SLC2A9: variants seen among roughly 807,000 people sequenced by gnomAD.
SLC2A9 encodes solute carrier family 2 member 9.
A neutral mutation model predicts 50.6 loss-of-function variants in SLC2A9; 39 were observed. That is an observed-to-expected ratio of 0.77 (90% confidence interval 0.60 to 1.01). The LOEUF (loss-of-function observed/expected upper bound fraction) is 1.01. Among genes scored for constraint, SLC2A9 ranks in the 50% least tolerant of loss-of-function variants. The pLI is 0.00. For synonymous variants in SLC2A9, 324 were observed against 276.9 expected (o/e 1.17, Z -1.69); for missense variants, 686 against 677.6 (o/e 1.01, Z -0.14).
At chr4:9,948,724 T>C (rs536689759) in intron 5 of SLC2A9, among the ~76,000 whole-genome samples, 54 of 152,344 alleles carry the variant, frequency 3.5e-4, no homozygotes, top group African/African-American at 1.3e-3. Context: ...GAGACCTCTG[T>C]TGTGCTGAGG....
At chr4:9,832,432 C>T (rs868114438) in intron 11 of SLC2A9, among the ~76,000 whole-genome samples, 2 of 152,174 alleles carry the variant, frequency 1.3e-5, no homozygotes, top group Non-Finnish European at 1.5e-5. Context: ...AAATACTAAA[C>T]GTATCTACCT....
chr4:10,015,439 A>G (rs1560492835), intron 2 of SLC2A9, among the ~76,000 whole-genome samples: 1 of 152,196 alleles, frequency 6.6e-6, no homozygotes, highest in Non-Finnish European at 1.5e-5. Context: ...TTCTTTGTTC[A>G]TGAAATGAAG....
chr4:9,874,346 C>A (rs1418190395), intron 10 of SLC2A9, among the ~76,000 whole-genome samples: 1 of 152,182 alleles, frequency 6.6e-6, no homozygotes, highest in East Asian at 1.9e-4. Context: ...CCAGCCTTGC[C>A]AGGGGAGTTC....
At chr4:10,017,156 C>G (rs1460914018) in intron 2 of SLC2A9, among the ~76,000 whole-genome samples, 1 of 152,218 alleles carries the variant, frequency 6.6e-6, no homozygotes, top group East Asian at 1.9e-4. Flanking sequence ...TATAAACTCT[C>G]AACAATGCTT....
chr4:9,795,497 C>T (rs1255514792), downstream of SLC2A9, among the ~76,000 whole-genome samples: 1 of 152,158 alleles, frequency 6.6e-6, no homozygotes, highest in African/African-American at 2.4e-5. Context: ...TCCCCACATT[C>T]CCTCTATTTT....
chr4:9,919,931 C>T (rs1288735666), intron 7 of SLC2A9, among the ~76,000 whole-genome samples: 2 of 152,110 alleles, frequency 1.3e-5, no homozygotes, highest in African/African-American at 2.4e-5. Context: ...TCCCTGCCTG[C>T]AGCAGCTCAA....
At chr4:9,888,124 G>T (rs540151870) in intron 9 of SLC2A9, among the ~76,000 whole-genome samples, 1 of 151,276 alleles carries the variant, frequency 6.6e-6, no homozygotes, top group East Asian at 1.9e-4. Flanking sequence ...TTTGGGGGGT[G>T]GGGGGCTGGA....
rs1444569286 is a variant in SLC2A9, at chr4:10,019,029, G to A, written c.195C>T (p.Phe65=). 6.4e-7 allele frequency: 1 copy of A among 1,550,924 alleles called. No homozygotes were observed. The highest frequency in any genetic ancestry group is 8.7e-7 in the Non-Finnish European group (1 of 1,146,960). Residue 65 remains phenylalanine, a synonymous_variant, in exon 2 of 12, where the codon TTC becomes TTT. Coordinates refer to ENST00000264784, the MANE Select transcript of SLC2A9 (RefSeq NM_020041.3). ...SLLVASLAGA[F]GSSFLYGYNL... is the part of the protein sequence containing the mutation. ...TGTAGCCGTAGAGGAAGGAGGAGCC[G>A]AAGGCGCCCGCGAGGGAGGCCACGA...
chr4:10,039,067 G>A (rs891574427), intron 1 of SLC2A9, among the ~76,000 whole-genome samples: 1 of 152,236 alleles, frequency 6.6e-6, no homozygotes, highest in African/African-American at 2.4e-5. Context: ...GCAAGGAGCT[G>A]GCCCAGTTGG....
In SLC2A9 at chr4:9,908,219, C is replaced by A; in HGVS notation, c.1113+16G>T. The stretch of plus-strand genomic sequence containing the variant: ...CCCCCTGTGGCATTCTCAGGAGTAA[C>A]CCTCAGTTGACTTACAGAGAAGACG... On this transcript the variant is annotated intron_variant, in intron 8 of 11. Transcript: ENST00000264784. 1.3e-6 allele frequency: 2 copies of A among 1,563,680 alleles called. No individual in the cohort carries two copies. The highest frequency in any genetic ancestry group is 2.2e-5 in the East Asian group (1 of 44,664).
chr4:9,908,617 T>C (rs571858131), intron 7 of SLC2A9, among the ~76,000 whole-genome samples: 1 of 152,174 alleles, frequency 6.6e-6, no homozygotes, highest in South Asian at 2.1e-4. Flanking sequence ...GTTAGTTACA[T>C]ATGTATACAT....
chr4:9,939,654 T>C (rs1461326556), intron 6 of SLC2A9, among the ~76,000 whole-genome samples: 1 of 152,110 alleles, frequency 6.6e-6, no homozygotes, highest in Non-Finnish European at 1.5e-5. Flanking sequence ...ATGGTTGTTG[T>C]GATGATTTAA....
At position 9,791,118 on chromosome 4, in the gene SLC2A9, T is replaced by C. The variant is rs191704410; in HGVS notation, n.386-11053A>G. 7.1e-3 allele frequency among the ~76,000 whole-genome samples: 1,074 copies of C among 152,232 alleles called. 11 individuals carry two copies. The highest frequency in any genetic ancestry group is 0.024 in the African/African-American group (1,007 of 41,520). On this transcript the variant is annotated intron_variant and non_coding_transcript_variant, in intron 3 of 3. Transcript: ENST00000503803. The stretch of plus-strand genomic sequence containing the variant: ...GTCCTTTTAGAGGAGAAAAAATAAT[T>C]CAGTGGGCCAAGCTGTATGTAATAT...
At chr4:9,797,149 C>T (rs542542561), downstream of SLC2A9, among the ~76,000 whole-genome samples, 3 of 152,314 alleles carry the variant, frequency 2.0e-5, no homozygotes, top group South Asian at 2.1e-4. Context: ...CAGCTCTGCT[C>T]TCTGCTCTCA....
At chr4:9,886,767 C>T (rs1415230059) in intron 10 of SLC2A9, among the ~76,000 whole-genome samples, 2 of 152,164 alleles carry the variant, frequency 1.3e-5, no homozygotes, top group Non-Finnish European at 2.9e-5. Context: ...GTGTCAGACC[C>T]TGCCCTGAGC....
rs558683011 is a variant in SLC2A9, at chr4:9,910,380, T to C, written c.1003-2035A>G. 2.0e-5 allele frequency among the ~76,000 whole-genome samples: 3 copies of C among 152,360 alleles called. No individual in the cohort carries two copies. The South Asian group carries it at 6.2e-4, about 32-fold the overall frequency. ...CATTATCCTGAAAACTCTATGTCCA[T>C]TGAATATGTTTATACAATTGCTTCC... On this transcript the variant is annotated intron_variant, in intron 7 of 11. Coordinates refer to ENST00000264784, the MANE Select transcript of SLC2A9 (RefSeq NM_020041.3).
At chr4:9,856,671 A>C (rs545741916) in intron 10 of SLC2A9, among the ~76,000 whole-genome samples, 1 of 152,360 alleles carries the variant, frequency 6.6e-6, no homozygotes, top group East Asian at 1.9e-4. Context: ...GTGTATGTTC[A>C]TTGCAGCAAC....
At chr4:9,944,161 T>C (rs985257869) in intron 5 of SLC2A9, among the ~76,000 whole-genome samples, 7 of 152,076 alleles carry the variant, frequency 4.6e-5, no homozygotes, top group African/African-American at 1.7e-4. Context: ...GAACAACAAC[T>C]GTAGTGGAAA....
At chr4:9,927,064 T>C (rs562631119) in intron 6 of SLC2A9, among the ~76,000 whole-genome samples, 24 of 151,468 alleles carry the variant, frequency 1.6e-4, no homozygotes, top group African/African-American at 5.3e-4. Context: ...AGTTCCGTTC[T>C]TGTTGCCCAG....
Sources: gnomAD v4.1 joint callset for allele counts (sites outside exome capture counted in the v4.1 genomes callset) on GRCh38, gnomAD v4.1.1 for gene constraint, MANE v1.5 for transcripts, NCBI Gene and HGNC (gene_info 2026-07-23, HGNC 2026-07-21) for gene names.